The following UNC5D variants were observed in gnomAD, a reference collection of about 807,000 sequenced individuals.
The protein encoded by UNC5D is unc-5 netrin receptor D, also known as netrin receptor UNC5D.
A neutral mutation model predicts 105.4 loss-of-function variants in UNC5D; 39 were observed. That is an observed-to-expected ratio of 0.37 (90% CI 0.29 to 0.48). The LOEUF (loss-of-function observed/expected upper bound fraction) is 0.48. Among genes scored for constraint, UNC5D ranks in the 20% least tolerant of loss-of-function variants. UNC5D has a pLI of 0.98. For missense variants in UNC5D, 991 were observed against 1,202.4 expected (o/e 0.82, Z 2.60); for synonymous variants, 452 against 450.4 (o/e 1.00, Z -0.04).
intron 1 of UNC5D, among the ~76,000 whole-genome samples, chr8:35,507,217 G>A (rs1586004065): frequency 1.3e-5 from 2 of 150,558 alleles, no homozygotes; most frequent in Admixed American, 6.6e-5. Context: ...CACTACGCCC[G>A]GCTAAATTTT....
chr8:35,550,874 G>T (rs1229913792), intron 2 of UNC5D, among the ~76,000 whole-genome samples: 2 of 152,190 alleles, frequency 1.3e-5, no homozygotes, highest in Non-Finnish European at 2.9e-5. Flanking sequence ...TTAGTGGCCT[G>T]AAGGTCACAA....
At chr8:35,699,910 C>T (rs1002311618) in intron 7 of UNC5D, among the ~76,000 whole-genome samples, 7 of 152,162 alleles carry the variant, frequency 4.6e-5, no homozygotes, top group Admixed American at 1.3e-4. Flanking sequence ...TTTAATATTT[C>T]TGCATTTTTA....
chr8:35,419,815 C>T (rs996857075), intron 1 of UNC5D, among the ~76,000 whole-genome samples: 1 of 152,042 alleles, frequency 6.6e-6, no homozygotes, highest in African/African-American at 2.4e-5. Context: ...TGTCCTGTGT[C>T]CAAGAAGAAT....
At chr8:35,761,349 G>A (rs1801522746) in intron 14 of UNC5D, among the ~76,000 whole-genome samples, 1 of 152,058 alleles carries the variant, frequency 6.6e-6, no homozygotes, top group Non-Finnish European at 1.5e-5. Flanking sequence ...ATCAGATGAA[G>A]GAACCATTAC....
chr8:35,260,683 C>T (rs1393697142), intron 1 of UNC5D, among the ~76,000 whole-genome samples: 2 of 152,144 alleles, frequency 1.3e-5, no homozygotes, highest in Non-Finnish European at 2.9e-5. Flanking sequence ...AGGCTGGTCT[C>T]AAACTCCTGA....
intron 1 of UNC5D, among the ~76,000 whole-genome samples, chr8:35,462,004 A>G (rs909228063): frequency 1.5e-4 from 23 of 152,182 alleles, no homozygotes; most frequent in Non-Finnish European, 2.4e-4. Context: ...GACACCCTGG[A>G]AAGTTTCATG....
At chr8:35,604,403 G>T (rs542233133) in intron 4 of UNC5D, among the ~76,000 whole-genome samples, 16 of 152,256 alleles carry the variant, frequency 1.1e-4, no homozygotes, top group Admixed American at 2.6e-4. Flanking sequence ...GAGTTTCTGC[G>T]GAGAGATCAG....
chr8:35,294,668 G>A (rs1026668242), intron 1 of UNC5D, among the ~76,000 whole-genome samples: 3 of 150,438 alleles, frequency 2.0e-5, no homozygotes, highest in Non-Finnish European at 2.9e-5. Flanking sequence ...GTGTAGCTGC[G>A]GAGATGACCT....
intron 1 of UNC5D, among the ~76,000 whole-genome samples, chr8:35,460,943 G>A (rs367980007): frequency 1.3e-5 from 2 of 152,140 alleles, no homozygotes; most frequent in Non-Finnish European, 2.9e-5. Flanking sequence ...AACAAAACAG[G>A]GCATGTGATC....
intron 1 of UNC5D, among the ~76,000 whole-genome samples, chr8:35,316,261 T>C (rs2128881763): frequency 6.6e-6 from 1 of 152,250 alleles, no homozygotes; most frequent in African/African-American, 2.4e-5. Context: ...GATATATAAA[T>C]AACACATTTA....
intron 4 of UNC5D, among the ~76,000 whole-genome samples, chr8:35,676,908 T>C (rs558836735): frequency 6.6e-6 from 1 of 152,184 alleles, no homozygotes; most frequent in African/African-American, 2.4e-5. Flanking sequence ...GAATATGTTT[T>C]TTTTTTGGTC....
At chr8:35,646,394 A>T (rs775489621) in intron 4 of UNC5D, among the ~76,000 whole-genome samples, 1 of 152,084 alleles carries the variant, frequency 6.6e-6, no homozygotes, top group Non-Finnish European at 1.5e-5. Context: ...GGCAGTCAGG[A>T]GCTGATTAAA....
intron 1 of UNC5D, among the ~76,000 whole-genome samples, chr8:35,388,153 C>T (rs1477516076): frequency 6.6e-6 from 1 of 151,902 alleles, no homozygotes; most frequent in African/African-American, 2.4e-5. Context: ...GTGGGTGGAT[C>T]ACTTGAGGTC....
chr8:35,784,675 G>A (rs1172314883), intron 16 of UNC5D, among the ~76,000 whole-genome samples: 1 of 152,042 alleles, frequency 6.6e-6, no homozygotes, highest in African/African-American at 2.4e-5. Context: ...TGAAACCTGG[G>A]AGGTGGAGGT....
Position 35,400,239 on chromosome 8 carries a change from G to A in UNC5D, c.104-149053G>A, listed in dbSNP as rs540749000. On this transcript the variant is annotated intron_variant, in intron 1 of 16. Coordinates refer to ENST00000404895, the MANE Select transcript of UNC5D (RefSeq NM_080872.4). ...TAGTTGAGATCCTTTTTTTTTTAAC[G>A]GAAAAAATGCTGATATATTGGGAAA... Among the ~76,000 whole-genome samples the A allele has an allele frequency of 1.5e-4, 22 of 151,450 alleles. No individual in the cohort carries two copies. The East Asian group carries it at 2.3e-3, about 16-fold the overall frequency.
chr8:35,633,648 G>A (rs1034656522), intron 4 of UNC5D, among the ~76,000 whole-genome samples: 6 of 152,084 alleles, frequency 3.9e-5, no homozygotes, highest in Non-Finnish European at 7.4e-5. Flanking sequence ...CTAGCTACTT[G>A]GGAGGCTGAG....
intron 1 of UNC5D, among the ~76,000 whole-genome samples, chr8:35,243,134 C>A (rs564826494): frequency 6.6e-6 from 1 of 152,248 alleles, no homozygotes; most frequent in African/African-American, 2.4e-5. Context: ...TCCCAGATGA[C>A]ACCATCTGGG....
chr8:35,287,243 AG>A (rs910632381), intron 1 of UNC5D, among the ~76,000 whole-genome samples: 3 of 152,242 alleles, frequency 2.0e-5, no homozygotes, highest in Non-Finnish European at 4.4e-5. Context: ...CACCACCAAA[AG>A]AAACCAATAA....
chr8:35,536,203 A>T (rs1586076146), intron 1 of UNC5D, among the ~76,000 whole-genome samples: 1 of 152,330 alleles, frequency 6.6e-6, no homozygotes, highest in Admixed American at 6.5e-5. Flanking sequence ...CAAGTTTCAC[A>T]TCCCAATCAG....
Sources: allele counts gnomAD v4.1 joint callset (sites outside exome capture counted in the v4.1 genomes callset), GRCh38; gene constraint gnomAD v4.1.1; transcripts MANE v1.5; gene names NCBI Gene and HGNC (gene_info 2026-07-23, HGNC 2026-07-21).